Variants in LIPC observed in about 807,000 individuals in gnomAD.
The protein encoded by LIPC is hepatic triacylglycerol lipase.
A neutral mutation model predicts 50.7 loss-of-function variants in LIPC; 44 were observed. The ratio of observed to expected loss-of-function variants is 0.87; its 90% CI spans 0.68 to 1.11. The LOEUF (loss-of-function observed/expected upper bound fraction) is 1.11. Ranked by LOEUF, LIPC falls within the 50% of genes most tolerant of loss-of-function variation. The pLI is 0.00. For missense variants in LIPC, 697 were observed against 648.2 expected (o/e 1.08, Z -0.82); for synonymous variants, 271 against 256.4 (o/e 1.06, Z -0.54).
chr15:58,444,534 T>C (rs568780), intron 1 of LIPC, among the ~76,000 whole-genome samples: 105,325 of 152,024 alleles, frequency 0.69, 36,617 homozygotes, highest in South Asian at 0.73. Context: ...GTGAGAAGTC[T>C]GAGGTCAAGG....
At chr15:58,525,894 C>T (rs1892788094) in intron 1 of LIPC, among the ~76,000 whole-genome samples, 1 of 152,222 alleles carries the variant, frequency 6.6e-6, no homozygotes, top group African/African-American at 2.4e-5. Context: ...ACCAATGCCA[C>T]CAGGGCCACC....
intron 8 of LIPC, among the ~76,000 whole-genome samples, chr15:58,564,493 C>CT (rs11385354): frequency 0.98 from 147,667 of 151,450 alleles, 72,098 homozygotes; most frequent in Non-Finnish European, 1. Context: ...TTTGGGAGGC[C>CT]TTGGCGGGCG....
intron 1 of LIPC, among the ~76,000 whole-genome samples, chr15:58,464,619 A>G (rs1356820226): frequency 6.6e-6 from 1 of 152,162 alleles, no homozygotes; most frequent in Non-Finnish European, 1.5e-5. Context: ...ACTTCTTGGG[A>G]TGAGTCCTTC....
intron 1 of LIPC, among the ~76,000 whole-genome samples, chr15:58,489,229 G>GC (rs1229696732): frequency 9.8e-6 from 1 of 101,672 alleles, no homozygotes; most frequent in African/African-American, 3.9e-5. Flanking sequence ...GGGGCGGGGG[G>GC]GCGGCTTACA....
rs60183189 is a variant in LIPC at position 58,494,760 on chromosome 15, G to A, written c.89-43573G>A. The A allele has an allele frequency of 5.0e-3, 2,298 of 456,216 alleles. 33 individuals carry two copies. The highest frequency in any genetic ancestry group is 0.039 in the East Asian group (568 of 14,388). 28.3% of individuals were successfully genotyped at this position (456,216 alleles called of 1,614,324 possible). On this transcript the variant is annotated intron_variant, in intron 1 of 8. Transcript: ENST00000299022. ...AATGACCTGTTAAAACTGATTTATA[G>A]TTAGCTTTTTACCTGAATGCACATA...
At chr15:58,501,496 G>A (rs1488420499) in intron 1 of LIPC, among the ~76,000 whole-genome samples, 3 of 151,896 alleles carry the variant, frequency 2.0e-5, no homozygotes, top group African/African-American at 4.8e-5. Flanking sequence ...TTTAACATCT[G>A]CGTCAGTGAA....
At chr15:58,479,755 G>C (rs529356033) in intron 1 of LIPC, among the ~76,000 whole-genome samples, 1 of 152,160 alleles carries the variant, frequency 6.6e-6, no homozygotes, top group Non-Finnish European at 1.5e-5. Flanking sequence ...ATCTTTCATA[G>C]ACCAATATTT....
rs1185380341 is a variant in LIPC at position 58,443,648 on chromosome 15, T to G, written c.88+11528T>G. Among the ~76,000 whole-genome samples the G allele has an allele frequency of 3.3e-5, 5 of 152,312 alleles. No individual in the cohort carries two copies. The East Asian group carries it at 7.7e-4, about 23-fold the overall frequency. The stretch of plus-strand genomic sequence containing the variant: ...GACTTAGTAGTATCAAGACAACACC[T>G]GAGAAAGCTCCTTTCATGCAAATCT... On this transcript the variant is annotated intron_variant, in intron 1 of 8. Coordinates refer to ENST00000299022, the MANE Select transcript of LIPC (RefSeq NM_000236.3).
At chr15:58,477,048 G>C (rs1595882311) in intron 1 of LIPC, among the ~76,000 whole-genome samples, 1 of 152,240 alleles carries the variant, frequency 6.6e-6, no homozygotes, top group East Asian at 1.9e-4. Flanking sequence ...TGCTAAGCCG[G>C]GTGGGATCTT....
At chr15:58,531,318 C>T (rs1436754717) in intron 1 of LIPC, among the ~76,000 whole-genome samples, 1 of 152,192 alleles carries the variant, frequency 6.6e-6, no homozygotes. Flanking sequence ...TGAACCTACA[C>T]AGGGTGGAAT....
chr15:58,506,759 T>C (rs1327133133), intron 1 of LIPC, among the ~76,000 whole-genome samples: 1 of 152,034 alleles, frequency 6.6e-6, no homozygotes, highest in Non-Finnish European at 1.5e-5. Flanking sequence ...CACCCTGACG[T>C]GGGGGAAGAT....
chr15:58,542,397 TCA>T (rs2140913768), intron 3 of LIPC, 135 bp from the exon 4 acceptor site: 2 of 745,174 alleles, frequency 2.7e-6, no homozygotes, highest in South Asian at 2.8e-5. Flanking sequence ...GAGATTAGTT[TCA>T]GTTTGGAGTG....
intron 1 of LIPC, among the ~76,000 whole-genome samples, chr15:58,512,321 A>G (rs2140859579): frequency 6.6e-6 from 1 of 151,808 alleles, no homozygotes; most frequent in South Asian, 2.1e-4. Flanking sequence ...CTGGTCTCGA[A>G]CTCCTGACGT....
intron 1 of LIPC, among the ~76,000 whole-genome samples, chr15:58,508,131 G>C (rs921673260): frequency 6.6e-6 from 1 of 151,990 alleles, no homozygotes; most frequent in South Asian, 2.1e-4. Context: ...AGAGGTAATT[G>C]CTTTCTTCCT....
chr15:58,467,931 C>T (rs1894633175), intron 1 of LIPC, among the ~76,000 whole-genome samples: 2 of 152,200 alleles, frequency 1.3e-5, no homozygotes, highest in South Asian at 4.1e-4. Context: ...GCTGGAACTG[C>T]TTCTAACACA....
chr15:58,481,666 C>T (rs982267490), intron 1 of LIPC, among the ~76,000 whole-genome samples: 1 of 152,118 alleles, frequency 6.6e-6, no homozygotes, highest in East Asian at 1.9e-4. Context: ...TTAGCCAGGC[C>T]TGGCACCTGT....
intron 1 of LIPC, among the ~76,000 whole-genome samples, chr15:58,472,870 CT>C (rs1261271067): frequency 6.6e-6 from 1 of 152,182 alleles, no homozygotes; most frequent in African/African-American, 2.4e-5. Context: ...AGCATTCAAG[CT>C]AGCCAAGGGC....
At chr15:58,534,791 C>G (rs1893061350) in intron 1 of LIPC, among the ~76,000 whole-genome samples, 1 of 152,188 alleles carries the variant, frequency 6.6e-6, no homozygotes, top group Non-Finnish European at 1.5e-5. Flanking sequence ...ACATAGTGTA[C>G]ATTTTTGGGT....
rs1310906622 is a variant in LIPC at position 58,432,080 on chromosome 15, C to A, written c.48C>A (p.Ile16=). The A allele has an allele frequency of 1.2e-6, 2 of 1,614,078 alleles. No homozygotes were observed. The highest frequency in any genetic ancestry group is 1.7e-5 in the Admixed American group (1 of 60,028). ...LCFSILLVLC[I]FIQSSALGQS... ...TCTCCATTCTGTTGGTTTTATGCAT[C>A]TTTATCCAATCAAGTGCCCTTGGAC... is the stretch of plus-strand genomic sequence containing the variant. The change falls in exon 1 of 9, where the codon ATC becomes ATA. Residue 16 remains isoleucine, a synonymous_variant. Coordinates refer to ENST00000299022, the MANE Select transcript of LIPC (RefSeq NM_000236.3).
Sources: gnomAD v4.1 joint callset for allele counts (sites outside exome capture counted in the v4.1 genomes callset) on GRCh38, gnomAD v4.1.1 for gene constraint, MANE v1.5 for transcripts, NCBI Gene and HGNC (gene_info 2026-07-23, HGNC 2026-07-21) for gene names.